BCAS3: variants seen among roughly 807,000 people sequenced by gnomAD.
BCAS3 encodes the protein BCAS3 microtubule associated cell migration factor, also known as BCAS4/BCAS3 fusion.
Under a neutral mutation model 116.1 loss-of-function variants are expected in BCAS3, and 53 were observed. That is an observed-to-expected ratio of 0.46 (90% CI 0.37 to 0.57). BCAS3 has a LOEUF of 0.57. BCAS3 is among the 20% of genes least tolerant of loss of function. The pLI, the probability that BCAS3 is intolerant of heterozygous loss-of-function variation, is 0.00. For missense variants in BCAS3, 917 were observed against 1,165.4 expected (o/e 0.79, Z 3.10); for synonymous variants, 391 against 408.2 (o/e 0.96, Z 0.51).
chr17:61,001,122 C>CT (rs2064207508), intron 15 of BCAS3, among the ~76,000 whole-genome samples: 1 of 152,102 alleles, frequency 6.6e-6, no homozygotes, highest in Non-Finnish European at 1.5e-5. Flanking sequence ...GAGGGGTCAT[C>CT]TTTGAGTCAC....
chr17:61,287,305 A>C (rs576983483), intron 22 of BCAS3, among the ~76,000 whole-genome samples: 1 of 152,032 alleles, frequency 6.6e-6, no homozygotes, highest in African/African-American at 2.4e-5. Context: ...ATGAGAACCA[A>C]ATGTGGTAGA....
At chr17:60,705,512 C>CAAAAAAAAAAAAAAAAAAA (rs1033436210) in intron 4 of BCAS3, among the ~76,000 whole-genome samples, 1 of 61,878 alleles carries the variant, frequency 1.6e-5, no homozygotes, top group Admixed American at 1.7e-4. Context: ...AGACTTGTCT[C>CAAAAAAAAAAAAAAAAAAA]AAAAAAAAAA....
chr17:60,857,910 G>C (rs757570361), intron 7 of BCAS3, among the ~76,000 whole-genome samples: 1 of 151,906 alleles, frequency 6.6e-6, no homozygotes, highest in African/African-American at 2.4e-5. Flanking sequence ...CGTAACATTT[G>C]TTTTGTCTGT....
intron 12 of BCAS3, 98 bp from the exon 13 acceptor site, chr17:60,924,309 A>C: frequency 1.1e-6 from 1 of 933,216 alleles, no homozygotes; most frequent in Non-Finnish European, 1.7e-6. Context: ...GAAACATGTT[A>C]TTTGGTCAGT....
chr17:60,744,867 T>C (rs80256515), intron 5 of BCAS3, among the ~76,000 whole-genome samples: 23 of 152,150 alleles, frequency 1.5e-4, no homozygotes. Flanking sequence ...AAGCTTAGAA[T>C]AGGGCATTTA....
At chr17:61,202,742 G>A (rs1190605916) in intron 22 of BCAS3, among the ~76,000 whole-genome samples, 4 of 152,162 alleles carry the variant, frequency 2.6e-5, no homozygotes, top group Admixed American at 2.6e-4. Context: ...TGAGCTAAGA[G>A]TATATCTGAC....
intron 10 of BCAS3, among the ~76,000 whole-genome samples, chr17:60,894,314 T>A (rs1412085945): frequency 6.6e-6 from 1 of 152,042 alleles, no homozygotes; most frequent in African/African-American, 2.4e-5. Flanking sequence ...AAATTTCTTC[T>A]TATATATATA....
chr17:61,385,293 T>G (rs1199810867), intron 23 of BCAS3, among the ~76,000 whole-genome samples: 1 of 152,080 alleles, frequency 6.6e-6, no homozygotes, highest in African/African-American at 2.4e-5. Flanking sequence ...CCCACACAAT[T>G]TGCTCAAGTC....
chr17:60,698,256 TGAAAG>T (rs911197508), intron 4 of BCAS3, among the ~76,000 whole-genome samples: 118 of 143,180 alleles, frequency 8.2e-4, no homozygotes, highest in Middle Eastern at 8.0e-3. Flanking sequence ...GGATATAAAA[TGAAAG>T]GAAAGCCAAG....
intron 5 of BCAS3, among the ~76,000 whole-genome samples, chr17:60,741,346 A>G (rs2041530666): frequency 6.6e-6 from 1 of 152,244 alleles, no homozygotes; most frequent in African/African-American, 2.4e-5. Context: ...TTCGAAGGAC[A>G]TTGTGTTGCT....
rs941269709 is a variant in BCAS3, at chr17:61,337,845, A to G, written c.2426-30482A>G. On this transcript the variant is annotated intron_variant, in intron 22 of 23. Coordinates refer to ENST00000407086, the MANE Select transcript of BCAS3 (RefSeq NM_017679.5). This position sits in a 1 kb window ranked among gnomAD's most constrained non-coding sequence, Gnocchi z 4.8. ...TGGAGAATTTGTGGTGTGCCTGTGA[A>G]TATTTCCACCAGTCCTGCAAGGAAG... Among the ~76,000 whole-genome samples the G allele has an allele frequency of 1.3e-5, 2 of 152,162 alleles. No individual in the cohort carries two copies. The highest frequency in any genetic ancestry group is 2.9e-5 in the Non-Finnish European group (2 of 68,028).
At chr17:60,915,041 CA>C (rs2145119361) in intron 12 of BCAS3, among the ~76,000 whole-genome samples, 1 of 152,186 alleles carries the variant, frequency 6.6e-6, no homozygotes, top group South Asian at 2.1e-4. Context: ...GAGAAAGCTG[CA>C]AATTAAAACT....
intron 6 of BCAS3, among the ~76,000 whole-genome samples, chr17:60,804,816 T>A (rs1209811548): frequency 6.6e-6 from 1 of 152,192 alleles, no homozygotes; most frequent in African/African-American, 2.4e-5. Context: ...TTGGATTTTT[T>A]AAGGAGCTCT....
intron 17 of BCAS3, among the ~76,000 whole-genome samples, chr17:61,036,909 G>T (rs549061209): frequency 6.6e-6 from 1 of 152,274 alleles, no homozygotes; most frequent in South Asian, 2.1e-4. Context: ...GTGTTGAATA[G>T]ACTTTATTTT....
At chr17:60,757,741 C>T (rs2043144351) in intron 6 of BCAS3, among the ~76,000 whole-genome samples, 1 of 152,002 alleles carries the variant, frequency 6.6e-6, no homozygotes, top group South Asian at 2.1e-4. Flanking sequence ...GTTTCCTTTG[C>T]TGTATGGAAG....
At chr17:61,061,383 C>A (rs2070015510) in intron 19 of BCAS3, among the ~76,000 whole-genome samples, 1 of 152,128 alleles carries the variant, frequency 6.6e-6, no homozygotes, top group Non-Finnish European at 1.5e-5. Flanking sequence ...GCAAACATCA[C>A]CCCCCATCCT....
At chr17:61,079,736 C>T (rs2072378067) in intron 21 of BCAS3, among the ~76,000 whole-genome samples, 1 of 151,964 alleles carries the variant, frequency 6.6e-6, no homozygotes, top group African/African-American at 2.4e-5. Flanking sequence ...GCTGGGATGA[C>T]AGGCGCCCGC....
At chr17:60,855,452 A>ATTTTTTTTTTTT (rs565603643) in intron 7 of BCAS3, among the ~76,000 whole-genome samples, 1 of 125,754 alleles carries the variant, frequency 8.0e-6, no homozygotes, top group African/African-American at 3.1e-5. Flanking sequence ...CTATTTTTAA[A>ATTTTTTTTTTTT]TTTTTTTTTT....
chr17:60,892,443 G>A (rs1356526804), intron 10 of BCAS3, among the ~76,000 whole-genome samples: 3 of 151,586 alleles, frequency 2.0e-5, no homozygotes, highest in Admixed American at 2.0e-4. Flanking sequence ...CCAAGTAGCT[G>A]GGAGTACAGA....
Sources: gnomAD v4.1 joint callset for allele counts (sites outside exome capture counted in the v4.1 genomes callset) on GRCh38, gnomAD v4.1.1 for gene constraint, Gnocchi (gnomAD v3.1) non-coding constraint, MANE v1.5 for transcripts, NCBI Gene and HGNC (gene_info 2026-07-23, HGNC 2026-07-21) for gene names.